Variants in ESRRG observed in about 807,000 individuals in gnomAD.
The protein encoded by ESRRG is estrogen related receptor gamma, also known as estrogen-related receptor gamma.
ESRRG carries 13 observed loss-of-function variants against 44.0 expected under a neutral mutation model. That is an observed-to-expected ratio of 0.30 (90% CI 0.19 to 0.47). ESRRG has a LOEUF of 0.47. ESRRG is among the 20% of genes least tolerant of loss of function. The probability of loss-of-function intolerance (pLI) is 1.00; values close to 1 mark genes in which losing one functional copy is unlikely to be tolerated. For missense variants in ESRRG, 395 were observed against 580.6 expected, an observed-to-expected ratio of 0.68 and a Z score of 3.29; for synonymous variants, 215 against 214.6, an observed-to-expected ratio of 1.00 and a Z score of -0.02.
At chr1:216,859,873 A>G (rs1425462367) in intron 2 of ESRRG, among the ~76,000 whole-genome samples, 1 of 152,220 alleles carries the variant, frequency 6.6e-6, no homozygotes. Flanking sequence ...ATCAAAAGTT[A>G]CCAGTCACTC....
chr1:216,529,972 C>T (rs574746127), intron 5 of ESRRG, among the ~76,000 whole-genome samples: 1 of 151,810 alleles, frequency 6.6e-6, no homozygotes, highest in East Asian at 1.9e-4. Flanking sequence ...ATTAGCTGGG[C>T]ATAGTGGCAT....
chr1:216,520,636 T>C (rs1431012754), intron 5 of ESRRG, among the ~76,000 whole-genome samples: 1 of 152,180 alleles, frequency 6.6e-6, no homozygotes, highest in Admixed American at 6.5e-5. Flanking sequence ...ACTTCACTTT[T>C]ATTTCCAAGT....
At chr1:216,719,440 T>G (rs2085677220) in intron 1 of ESRRG, among the ~76,000 whole-genome samples, 1 of 151,998 alleles carries the variant, frequency 6.6e-6, no homozygotes, top group African/African-American at 2.4e-5. Flanking sequence ...CTCAAAGATA[T>G]AAATTGTTAT....
chr1:216,945,042 T>C (rs1220104894), intron 1 of ESRRG, among the ~76,000 whole-genome samples: 4 of 152,158 alleles, frequency 2.6e-5, no homozygotes, highest in Admixed American at 6.5e-5. Flanking sequence ...TAAAAGCTCT[T>C]CATTAGATCA....
intron 1 of ESRRG, among the ~76,000 whole-genome samples, chr1:217,021,418 G>T (rs2789551): frequency 6.6e-6 from 1 of 152,122 alleles, no homozygotes; most frequent in Non-Finnish European, 1.5e-5. Flanking sequence ...ATGGACTCTC[G>T]TTGAATAGGA....
intron 2 of ESRRG, among the ~76,000 whole-genome samples, chr1:216,832,067 C>T (rs562145109): frequency 6.6e-6 from 1 of 152,174 alleles, no homozygotes; most frequent in Non-Finnish European, 1.5e-5. Flanking sequence ...TGTTATACAA[C>T]TGGCAATATG....
intron 2 of ESRRG, among the ~76,000 whole-genome samples, chr1:216,888,244 C>T (rs2057305896): frequency 6.6e-6 from 1 of 152,188 alleles, no homozygotes; most frequent in Non-Finnish European, 1.5e-5. Flanking sequence ...TTCGTTATTA[C>T]AGCTGCAGAA....
At chr1:217,085,480 C>CCTTTTTTTTTTTT (rs2092021463) in intron 1 of ESRRG, among the ~76,000 whole-genome samples, 1 of 66,346 alleles carries the variant, frequency 1.5e-5, no homozygotes, top group African/African-American at 6.0e-5. Context: ...CTTTTCTTTT[C>CCTTTTTTTTTTTT]ATTTTTTTTT....
At chr1:216,852,734 T>C (rs531274221) in intron 2 of ESRRG, among the ~76,000 whole-genome samples, 2 of 152,306 alleles carry the variant, frequency 1.3e-5, no homozygotes, top group South Asian at 2.1e-4. Context: ...GATTAAGGTA[T>C]TGAAGCCCTA....
At chr1:216,507,237 G>A in intron 6 of ESRRG, 54 bp from the exon 7 acceptor site, 1 of 1,164,756 alleles carries the variant, frequency 8.6e-7, no homozygotes, top group Non-Finnish European at 1.2e-6. Context: ...GCAAACCTAT[G>A]TAGACTAGAG....
At chr1:217,088,948 T>C (rs1007153863) in intron 1 of ESRRG, among the ~76,000 whole-genome samples, 1 of 151,872 alleles carries the variant, frequency 6.6e-6, no homozygotes, top group Non-Finnish European at 1.5e-5. Context: ...AGCGACTCCC[T>C]CGGGAAGGTG....
At chr1:216,992,822 AC>A (rs1366244488) in intron 1 of ESRRG, among the ~76,000 whole-genome samples, 1 of 152,218 alleles carries the variant, frequency 6.6e-6, no homozygotes, top group African/African-American at 2.4e-5. Context: ...AACAATAGTT[AC>A]CATTAATTAA....
At chr1:216,867,762 T>C (rs2096191545) in intron 2 of ESRRG, among the ~76,000 whole-genome samples, 1 of 152,186 alleles carries the variant, frequency 6.6e-6, no homozygotes. Context: ...AATTTTATTT[T>C]CTAAATTATA....
intron 5 of ESRRG, among the ~76,000 whole-genome samples, chr1:216,541,937 T>C (rs758407008): frequency 4.6e-5 from 7 of 151,934 alleles, no homozygotes; most frequent in Non-Finnish European, 1.0e-4. Flanking sequence ...GGGTTTGGGA[T>C]TTTCATTCTG....
chr1:217,025,082 C>T (rs1166858271), intron 1 of ESRRG, among the ~76,000 whole-genome samples: 1 of 152,132 alleles, frequency 6.6e-6, no homozygotes, highest in Non-Finnish European at 1.5e-5. Flanking sequence ...AAGCTAGAAG[C>T]CTTAAGGGAC....
intron 2 of ESRRG, among the ~76,000 whole-genome samples, chr1:216,656,319 G>A (rs894214957): frequency 6.6e-6 from 1 of 152,212 alleles, no homozygotes. Context: ...AGCTAGGGAA[G>A]TGTGCTCTGC....
At chr1:216,908,941 C>T (rs4348786) in intron 2 of ESRRG, among the ~76,000 whole-genome samples, 82,235 of 151,560 alleles carry the variant, frequency 0.54, 22,554 homozygotes, top group East Asian at 0.69. Context: ...GAGTAGAATG[C>T]AAATTTCACA....
chr1:216,627,590 A>G (rs1472334032), intron 3 of ESRRG, among the ~76,000 whole-genome samples: 1 of 152,212 alleles, frequency 6.6e-6, no homozygotes, highest in Non-Finnish European at 1.5e-5. Flanking sequence ...GTTAAGTATC[A>G]TTTCCCAAAT....
At chr1:216,769,737 A>C (rs2093298597) in intron 2 of ESRRG, among the ~76,000 whole-genome samples, 1 of 152,300 alleles carries the variant, frequency 6.6e-6, no homozygotes, top group Admixed American at 6.5e-5. Flanking sequence ...AGTTAAGGAC[A>C]AATTGTCAGG....
Sources: allele counts gnomAD v4.1 joint callset (sites outside exome capture counted in the v4.1 genomes callset), GRCh38; gene constraint gnomAD v4.1.1; transcripts MANE v1.5; gene names NCBI Gene and HGNC (gene_info 2026-07-23, HGNC 2026-07-21).